Variants in DRAM2 observed in about 807,000 individuals in gnomAD.
DRAM2 encodes the protein DNA damage regulated autophagy modulator 2, also known as DNA damage-regulated autophagy modulator protein 2.
Under a neutral mutation model 33.5 loss-of-function variants are expected in DRAM2, and 26 were observed. That is an observed-to-expected ratio of 0.78 (90% confidence interval 0.57 to 1.08). The LOEUF is 1.08. Ranked by LOEUF, DRAM2 falls within the 50% of genes least tolerant of loss-of-function variation. The pLI is 0.00. For synonymous variants in DRAM2, 98 were observed against 109.5 expected, an observed-to-expected ratio of 0.89 and a Z score of 0.66; for missense variants, 311 against 318.1, an observed-to-expected ratio of 0.98 and a Z score of 0.17.
intron 2 of DRAM2, among the ~76,000 whole-genome samples, chr1:111,138,715 C>T (rs1281053420): frequency 1.3e-5 from 2 of 152,194 alleles, no homozygotes; most frequent in African/African-American, 4.8e-5. Context: ...ACGCGGGAGG[C>T]GGAGGTTGCA....
chr1:111,131,867 A>T (rs1193093828), intron 3 of DRAM2, among the ~76,000 whole-genome samples: 1 of 152,070 alleles, frequency 6.6e-6, no homozygotes, highest in African/African-American at 2.4e-5. Flanking sequence ...CTCCATCTTC[A>T]CTGTCACTAC....
At chr1:111,135,107 T>C (rs548261569) in intron 3 of DRAM2, among the ~76,000 whole-genome samples, 71 of 152,344 alleles carry the variant, frequency 4.7e-4, no homozygotes, top group African/African-American at 1.7e-3. Flanking sequence ...CACCTATGAC[T>C]GACTGTGTAG....
intron 3 of DRAM2, among the ~76,000 whole-genome samples, chr1:111,134,927 G>T (rs1299848439): frequency 2.0e-5 from 3 of 152,118 alleles, no homozygotes; most frequent in Admixed American, 6.5e-5. Context: ...CTTGGCTTCT[G>T]GTTTTTTAGA....
Position 111,119,905 on chromosome 1 carries a change from T to C in DRAM2, c.572A>G (p.Gln191Arg), listed in dbSNP as rs1235867059. The change falls in exon 8 of 10, where the codon CAG becomes CGG. Residue 191 changes from glutamine to arginine, a missense_variant. Physicochemically the swap from Gln to Arg is conservative, Grantham distance 43. Transcript: ENST00000484310. ...HSGNFGTDLEQKLHWNPEDKG... is the reference protein window; with the variant it reads ...HSGNFGTDLERKLHWNPEDKG... ...GTCCTCGGGGTTCCAATGGAGTTTCTGTTCTAAATCAGTCCCAAAATTGCC... is the reference window on the plus strand; with the variant it reads ...GTCCTCGGGGTTCCAATGGAGTTTCCGTTCTAAATCAGTCCCAAAATTGCC... 3 of 1,612,972 alleles carry C rather than the reference T, an allele frequency of 1.9e-6. No individual in the cohort carries two copies. Among genetic ancestry groups the C allele is most frequent in the Non-Finnish European group, 2.5e-6 (3 of 1,179,188 alleles).
chr1:111,118,784 T>C (rs553995321), intron 9 of DRAM2, 21 bp downstream of exon 9: 4 of 1,574,172 alleles, frequency 2.5e-6, no homozygotes. Context: ...ACTGAATAAA[T>C]CTAATATTGT....
intron 2 of DRAM2, among the ~76,000 whole-genome samples, chr1:111,138,203 G>A (rs985862357): frequency 2.0e-5 from 3 of 152,150 alleles, no homozygotes; most frequent in Admixed American, 1.3e-4. Flanking sequence ...TCTTGGATTC[G>A]TATCTCCTTA....
rs148031211 is a variant in DRAM2, at chr1:111,118,224, A to G, written c.737T>C (p.Leu246Pro). Residue 246 changes from leucine to proline, a missense_variant, in exon 10 of 10, where the codon CTC (leucine) becomes CCC (proline). Physicochemically the swap from Leu to Pro is moderately conservative, Grantham distance 98. Transcript: ENST00000484310. ...AATAGGGCAAGGTGCAGTGTCATAG[A>G]GGGTTAATCCATGTAAATTGGCTTC... ...RVEANLHGLT[L>P]YDTAPCPINN... 5.6e-4 allele frequency: 905 copies of G among 1,612,948 alleles called. 1 individual carries two copies. Among genetic ancestry groups the G allele is most frequent in the Non-Finnish European group, 7.3e-4 (866 of 1,179,272 alleles).
chr1:111,135,789 T>C (rs939698171), intron 3 of DRAM2, among the ~76,000 whole-genome samples: 4 of 152,352 alleles, frequency 2.6e-5, no homozygotes, highest in Middle Eastern at 3.4e-3. Context: ...ACGGTGTCTT[T>C]AGGGAATAAG....
chr1:111,132,708 G>T (rs546209202), intron 3 of DRAM2, among the ~76,000 whole-genome samples: 1 of 149,040 alleles, frequency 6.7e-6, no homozygotes, highest in South Asian at 2.1e-4. Flanking sequence ...TTGAGACAAG[G>T]CCTCACTCTG....
chr1:111,120,723 T>C (rs753266377), intron 6 of DRAM2, 30 bp from the exon 7 acceptor site: 4 of 1,458,152 alleles, frequency 2.7e-6, no homozygotes, highest in South Asian at 3.0e-5. Context: ...AATACGTCAA[T>C]AAAAGAAACT....
intron 8 of DRAM2, chr1:111,119,606 T>C (rs1220861342): frequency 9.7e-6 from 4 of 412,588 alleles, no homozygotes; most frequent in Non-Finnish European, 1.8e-5. Flanking sequence ...TATTATATAC[T>C]ATACCCACAT....
intron 9 of DRAM2, 106 bp from the exon 10 acceptor site, chr1:111,118,373 C>A: frequency 1.4e-6 from 1 of 727,112 alleles, no homozygotes; most frequent in Non-Finnish European, 2.3e-6. Context: ...TAAATCAATT[C>A]TAATGGTAGT....
chr1:111,137,134 T>G (rs1653369351), intron 3 of DRAM2, among the ~76,000 whole-genome samples: 1 of 150,344 alleles, frequency 6.7e-6, no homozygotes, highest in African/African-American at 2.5e-5. Context: ...GCGCCTGTAG[T>G]CCCAGCTACT....
At chr1:111,122,698 AGAAAG>A (rs1337615331) in intron 6 of DRAM2, 3 of 151,672 alleles carry the variant, frequency 2.0e-5, no homozygotes, top group Non-Finnish European at 4.4e-5. Flanking sequence ...AAAAAAAAAA[AGAAAG>A]GAAAGAGAAT....
intron 3 of DRAM2, among the ~76,000 whole-genome samples, chr1:111,133,177 CCT>C (rs1652462933): frequency 7.0e-6 from 1 of 142,216 alleles, no homozygotes; most frequent in East Asian, 2.0e-4. Context: ...TCTTTACTTA[CCT>C]TTTTTTTTTT....
In DRAM2 at chr1:111,117,874, T is replaced by C. The variant is rs758407876; in HGVS notation, c.*286A>G. On this transcript the variant is annotated 3_prime_UTR_variant, in exon 10 of 10. Transcript: ENST00000484310. ...AGACTGATTGGTGCACGTCAGGTTG[T>C]TTCTCTTAAATAAGGTATAAAAAAC... 36 of 376,200 alleles carry C rather than the reference T, an allele frequency of 9.6e-5. No homozygotes were observed. The highest frequency in any genetic ancestry group is 1.6e-4 in the Non-Finnish European group (32 of 203,860). 23.3% of individuals were successfully genotyped at this position (376,200 alleles called of 1,614,324 possible). A position where few individuals can be genotyped will look rare whatever the true frequency, so the allele number is the denominator to read the frequency against.
At chr1:111,125,975 G>A (rs920304824) in intron 5 of DRAM2, among the ~76,000 whole-genome samples, 1 of 152,134 alleles carries the variant, frequency 6.6e-6, no homozygotes, top group Admixed American at 6.5e-5. Flanking sequence ...TATCTGGTTA[G>A]ACTTAACAAC....
chr1:111,139,371 C>T (rs930469691), intron 2 of DRAM2, 130 bp downstream of exon 2: 13 of 152,106 alleles, frequency 8.5e-5, no homozygotes, highest in Admixed American at 7.9e-4. Context: ...TGGGACCCAC[C>T]CGCTGCGATA....
At chr1:111,128,686 A>C (rs80327500) in intron 4 of DRAM2, among the ~76,000 whole-genome samples, 1,685 of 152,298 alleles carry the variant, frequency 0.011, 30 homozygotes, top group African/African-American at 0.037. Context: ...ATTCCTGTGG[A>C]TTCAACGAAG....
Sources: gnomAD v4.1 joint callset for allele counts (sites outside exome capture counted in the v4.1 genomes callset) on GRCh38, gnomAD v4.1.1 for gene constraint, MANE v1.5 for transcripts, NCBI Gene and HGNC (gene_info 2026-07-23, HGNC 2026-07-21) for gene names.